The following PIAS2 variants were observed in gnomAD, a reference collection of about 807,000 sequenced individuals.
PIAS2 encodes protein inhibitor of activated STAT 2.
Under a neutral mutation model 69.7 loss-of-function variants are expected in PIAS2, and 19 were observed. The ratio of observed to expected loss-of-function variants is 0.27; its 90% CI spans 0.19 to 0.40. The LOEUF is 0.40. Ranked by LOEUF, PIAS2 falls within the 10% of genes least tolerant of loss-of-function variation. The pLI is 1.00. For missense variants in PIAS2, 624 were observed against 757.0 expected (o/e 0.82, Z 2.06); for synonymous variants, 261 against 263.2 (o/e 0.99, Z 0.08).
At chr18:46,855,319 A>T in intron 5 of PIAS2, 26 bp downstream of exon 5, 1 of 1,442,410 alleles carries the variant, frequency 6.9e-7, no homozygotes, top group Non-Finnish European at 9.7e-7. Flanking sequence ...CTTATATGCA[A>T]ATCTGGTGAA....
chr18:46,807,377 A>AT lies in PIAS2; in HGVS notation c.*5055dup, dbSNP rs2040749018. On this transcript the variant is annotated 3_prime_UTR_variant, in exon 14 of 14. Coordinates refer to ENST00000585916, the MANE Select transcript of PIAS2 (RefSeq NM_004671.5). ...ATTTTATATATATATATATATATAT[A>AT]TATATATTTTTTTTTTTTTTTTTTT... The AT allele has an allele frequency of 6.0e-4, 15 of 25,048 alleles. No homozygotes were observed. Among genetic ancestry groups the AT allele is most frequent in the East Asian group, 1.3e-3 (2 of 1,526 alleles). 1.6% of individuals were successfully genotyped at this position (25,048 alleles called of 1,614,324 possible).
intron 3 of PIAS2, 150 bp from the exon 4 acceptor site, chr18:46,855,765 T>A: frequency 3.0e-6 from 2 of 657,036 alleles, no homozygotes; most frequent in Admixed American, 5.6e-5. Context: ...TAAGCCTTAA[T>A]GAAATCACTG....
chr18:46,855,251 C>T (rs2145436161), intron 5 of PIAS2, 94 bp downstream of exon 5: 1 of 741,502 alleles, frequency 1.3e-6, no homozygotes, highest in South Asian at 1.9e-5. Flanking sequence ...AAACTGTTCA[C>T]TGGTATTCAG....
rs2040649087 is a variant in PIAS2, at chr18:46,805,586, T to C, written c.*6847A>G. 6.6e-6 allele frequency: 1 copy of C among 152,142 alleles called. No homozygotes were observed. Among genetic ancestry groups the C allele is most frequent in the African/African-American group, 2.4e-5 (1 of 41,418 alleles). The allele number at this position is 152,142 out of a possible 1,614,324, so 9.4% of individuals were successfully genotyped here. On this transcript the variant is annotated 3_prime_UTR_variant, in exon 14 of 14. Coordinates refer to ENST00000585916, the MANE Select transcript of PIAS2 (RefSeq NM_004671.5). ...ACTGTATCTTGAGATATGTAGAATG[T>C]GAACACAGCCCACGCTGGTGTGAGC...
Position 46,855,445 on chromosome 18 carries a change from T to A in PIAS2, c.636-10A>T. The A allele has an allele frequency of 6.2e-7, 1 of 1,604,884 alleles. No individual in the cohort carries two copies. Among genetic ancestry groups the A allele is most frequent in the South Asian group, 1.1e-5 (1 of 90,310 alleles). On this transcript the variant is annotated splice_polypyrimidine_tract_variant and intron_variant, in intron 4 of 13. Transcript: ENST00000585916. ...CTCTGCCAGGCAAAGTCTGCATTAA[T>A]AAAAGAAAAAAGTATTCTTAAATAG... is the stretch of plus-strand genomic sequence containing the variant.
intron 2 of PIAS2, among the ~76,000 whole-genome samples, chr18:46,889,514 A>C (rs1250999026): frequency 6.6e-6 from 1 of 152,204 alleles, no homozygotes; most frequent in Non-Finnish European, 1.5e-5. Context: ...ATGCAAATCA[A>C]AGCTACAATA....
chr18:46,836,237 T>C (rs2044408007), intron 9 of PIAS2, 120 bp downstream of exon 9: 1 of 760,538 alleles, frequency 1.3e-6, no homozygotes, highest in South Asian at 2.0e-5. Flanking sequence ...CATACAAACA[T>C]CTGGATTTAT....
At chr18:46,841,450 C>G (rs2045376609) in intron 8 of PIAS2, among the ~76,000 whole-genome samples, 2 of 152,132 alleles carry the variant, frequency 1.3e-5, no homozygotes, top group Admixed American at 6.6e-5. Context: ...CCATTGTTAG[C>G]TGGCTGGACT....
At chr18:46,897,877 G>GTTT (rs544949333) in intron 1 of PIAS2, among the ~76,000 whole-genome samples, 5 of 145,442 alleles carry the variant, frequency 3.4e-5, no homozygotes, top group African/African-American at 1.3e-4. Flanking sequence ...TAATTTTTGG[G>GTTT]TTTTTTTTTT....
At chr18:46,818,302 T>A in intron 12 of PIAS2, 1 of 1,404,918 alleles carries the variant, frequency 7.1e-7, no homozygotes, top group Non-Finnish European at 9.3e-7. Flanking sequence ...CTAGCAATAA[T>A]AAGGCAGTCA....
intron 2 of PIAS2, among the ~76,000 whole-genome samples, chr18:46,877,790 T>C (rs1451185286): frequency 6.6e-6 from 1 of 152,198 alleles, no homozygotes; most frequent in African/African-American, 2.4e-5. Context: ...CAGCACCCTT[T>C]TGCAGAAGTA....
chr18:46,890,845 G>C lies in PIAS2; in HGVS notation c.234C>G (p.Ile78Met), dbSNP rs776646287. 6.2e-7 allele frequency: 1 copy of C among 1,614,170 alleles called. No individual in the cohort carries two copies. Among genetic ancestry groups the C allele is most frequent in the Non-Finnish European group, 8.5e-7 (1 of 1,180,016 alleles). ...CATCCAAACTGAAAACCGATGATTT[G>C]ATTGTGGATAAATCAGAAAGTCCTT... Reference protein sequence around the residue: ...TLEGLSDLSTIKSSVFSLDGG... With the variant: ...TLEGLSDLSTMKSSVFSLDGG... Residue 78 changes from isoleucine (I) to methionine (M), a missense_variant, in exon 2 of 14, where the codon ATC (isoleucine) becomes ATG (methionine). Ile to Met is a conservative substitution (Grantham distance 10). Around this residue, in one of 3 missense-constraint regions of PIAS2, gnomAD observed 339 missense variants for 408.8 expected, o/e 0.83. Coordinates refer to ENST00000585916, the MANE Select transcript of PIAS2 (RefSeq NM_004671.5).
Position 46,856,570 on chromosome 18 carries a change from C to T in PIAS2, c.585-955G>A, listed in dbSNP as rs543306709. On this transcript the variant is annotated intron_variant, in intron 3 of 13. Transcript: ENST00000585916. The stretch of plus-strand genomic sequence containing the variant: ...TACTGAACCCTCCAAACTCTTGCCA[C>T]GCAACATGGAGTCTACGGGGAAGCA... Among the ~76,000 whole-genome samples, 12 of 152,242 alleles carry T rather than the reference C, an allele frequency of 7.9e-5. No individual in the cohort carries two copies. In the East Asian group the frequency reaches 2.3e-3, roughly 29 times the overall value.
intron 2 of PIAS2, among the ~76,000 whole-genome samples, chr18:46,875,391 G>A (rs369301377): frequency 1.3e-5 from 2 of 152,278 alleles, no homozygotes; most frequent in African/African-American, 4.8e-5. Context: ...CAAATTGTAA[G>A]TCACTGCAAT....
At chr18:46,839,051 CT>C (rs2044892530) in intron 8 of PIAS2, among the ~76,000 whole-genome samples, 1 of 152,008 alleles carries the variant, frequency 6.6e-6, no homozygotes, top group Non-Finnish European at 1.5e-5. Context: ...TCATATTATC[CT>C]TTTTAAAAAT....
chr18:46,857,822 T>C (rs1456776586), intron 3 of PIAS2, among the ~76,000 whole-genome samples: 1 of 152,156 alleles, frequency 6.6e-6, no homozygotes, highest in Non-Finnish European at 1.5e-5. Context: ...TTCTAGGAAG[T>C]TTTACATACT....
chr18:46,852,729 C>A (rs1371179036), intron 5 of PIAS2: 2 of 152,334 alleles, frequency 1.3e-5, no homozygotes, highest in Admixed American at 1.3e-4. Context: ...AAATGTGACA[C>A]TGACTGGTCC....
chr18:46,881,832 C>T (rs1028925228), intron 2 of PIAS2, among the ~76,000 whole-genome samples: 1 of 152,278 alleles, frequency 6.6e-6, no homozygotes, highest in Admixed American at 6.5e-5. Flanking sequence ...GGCACGGTGG[C>T]TCACGCCTGT....
chr18:46,901,922 G>C (rs1182696382), intron 1 of PIAS2, among the ~76,000 whole-genome samples: 1 of 152,120 alleles, frequency 6.6e-6, no homozygotes, highest in East Asian at 1.9e-4. Context: ...GTTCTAGCTA[G>C]CAGAATAAGA....
Sources: gnomAD v4.1 joint callset for allele counts (sites outside exome capture counted in the v4.1 genomes callset) on GRCh38, gnomAD v4.1.1 for gene constraint, gnomAD v4.1.1 regional missense constraint, MANE v1.5 for transcripts, NCBI Gene and HGNC (gene_info 2026-07-23, HGNC 2026-07-21) for gene names.